Variants in GLT1D1 observed in about 807,000 individuals in gnomAD.
GLT1D1 encodes glycosyltransferase 1 domain-containing protein 1.
GLT1D1 carries 21 observed loss-of-function variants against 28.7 expected under a neutral mutation model. That is an observed-to-expected ratio of 0.73 (90% CI 0.52 to 1.05). The LOEUF (loss-of-function observed/expected upper bound fraction) is 1.05. GLT1D1 is among the 50% of genes least tolerant of loss of function. GLT1D1 has a pLI of 0.00. For synonymous variants in GLT1D1, 147 were observed against 124.8 expected, an observed-to-expected ratio of 1.18 and a Z score of -1.19; for missense variants, 343 against 330.6, an observed-to-expected ratio of 1.04 and a Z score of -0.29.
intron 4 of GLT1D1, among the ~76,000 whole-genome samples, chr12:128,942,777 G>A (rs867381753): frequency 2.2e-5 from 3 of 134,168 alleles, no homozygotes; most frequent in Non-Finnish European, 4.6e-5. Flanking sequence ...TTGAGACAGA[G>A]TCTCGCTCTG....
intron 4 of GLT1D1, among the ~76,000 whole-genome samples, chr12:128,936,230 C>G (rs1593157223): frequency 6.6e-6 from 1 of 150,908 alleles, no homozygotes; most frequent in East Asian, 1.9e-4. Flanking sequence ...TCTCGGCTCA[C>G]TGCAAGCTCC....
At chr12:128,918,574 A>AT (rs774997086) in intron 4 of GLT1D1, among the ~76,000 whole-genome samples, 6 of 152,198 alleles carry the variant, frequency 3.9e-5, no homozygotes, top group Non-Finnish European at 8.8e-5. Flanking sequence ...ATTTCCAAGC[A>AT]TTTTATCAGA....
At chr12:128,891,560 A>G (rs1275322183) in intron 3 of GLT1D1, among the ~76,000 whole-genome samples, 10 of 152,194 alleles carry the variant, frequency 6.6e-5, no homozygotes, top group African/African-American at 2.4e-4. Context: ...GGCTCACCTC[A>G]TGGCTGGGAA....
At chr12:128,921,833 T>A (rs1296307969) in intron 4 of GLT1D1, among the ~76,000 whole-genome samples, 1 of 152,114 alleles carries the variant, frequency 6.6e-6, no homozygotes, top group Non-Finnish European at 1.5e-5. Context: ...CTCTTCATCT[T>A]GACGTCACCT....
intron 1 of GLT1D1, among the ~76,000 whole-genome samples, chr12:128,869,431 A>G (rs1267004106): frequency 6.6e-6 from 1 of 152,042 alleles, no homozygotes; most frequent in African/African-American, 2.4e-5. Context: ...TGGCCTCCTA[A>G]AGTGCTGGGA....
At chr12:128,924,247 C>T (rs11060019) in intron 4 of GLT1D1, among the ~76,000 whole-genome samples, 1 of 151,706 alleles carries the variant, frequency 6.6e-6, no homozygotes, top group Non-Finnish European at 1.5e-5. Flanking sequence ...GCCAACATGG[C>T]GAAACCCCAT....
chr12:128,940,613 T>C (rs952536170), intron 4 of GLT1D1, among the ~76,000 whole-genome samples: 3 of 152,222 alleles, frequency 2.0e-5, no homozygotes, highest in African/African-American at 7.2e-5. Context: ...AGTTTGAACA[T>C]GTTGCTATTA....
At chr12:128,874,330 C>T (rs1362018002) in intron 1 of GLT1D1, among the ~76,000 whole-genome samples, 1 of 150,864 alleles carries the variant, frequency 6.6e-6, no homozygotes, top group Non-Finnish European at 1.5e-5. Context: ...TACAGGCATG[C>T]ACCACCACAC....
intron 4 of GLT1D1, among the ~76,000 whole-genome samples, chr12:128,909,146 A>C (rs1308056718): frequency 6.6e-6 from 1 of 152,052 alleles, no homozygotes. Flanking sequence ...TTTGTTGTTA[A>C]AATGTTGTGA....
At chr12:128,862,567 CA>C (rs1317969494) in intron 1 of GLT1D1, among the ~76,000 whole-genome samples, 1 of 152,126 alleles carries the variant, frequency 6.6e-6, no homozygotes, top group Non-Finnish European at 1.5e-5. Flanking sequence ...CACTTGAGCC[CA>C]GGGAAGTTGA....
intron 4 of GLT1D1, among the ~76,000 whole-genome samples, chr12:128,936,615 G>A (rs1023353220): frequency 4.6e-5 from 7 of 152,166 alleles, no homozygotes; most frequent in African/African-American, 1.2e-4. Flanking sequence ...GCTTGCAGGC[G>A]ATCATATGTG....
At chr12:128,943,515 A>T (rs1016367970) in intron 4 of GLT1D1, among the ~76,000 whole-genome samples, 9 of 152,198 alleles carry the variant, frequency 5.9e-5, no homozygotes, top group Admixed American at 2.6e-4. Flanking sequence ...TTTTGTTGAA[A>T]ATTCATTCAA....
At chr12:128,928,938 G>A (rs966844777) in intron 4 of GLT1D1, among the ~76,000 whole-genome samples, 10 of 152,090 alleles carry the variant, frequency 6.6e-5, no homozygotes, top group African/African-American at 2.4e-4. Context: ...TGGGGTTTTT[G>A]TTCCAGGGTT....
intron 4 of GLT1D1, among the ~76,000 whole-genome samples, chr12:128,941,254 T>G (rs1370378442): frequency 1.3e-5 from 2 of 152,252 alleles, no homozygotes; most frequent in Non-Finnish European, 2.9e-5. Flanking sequence ...CCTTTCAAAC[T>G]GTTTCTGCGA....
At chr12:128,864,932 A>G (rs1956478819) in intron 1 of GLT1D1, among the ~76,000 whole-genome samples, 1 of 152,190 alleles carries the variant, frequency 6.6e-6, no homozygotes, top group Admixed American at 6.5e-5. Flanking sequence ...AGGCAAGGCC[A>G]TGAGCTGCTG....
intron 1 of GLT1D1, among the ~76,000 whole-genome samples, chr12:128,865,575 C>A (rs948030606): frequency 2.0e-5 from 3 of 152,276 alleles, no homozygotes; most frequent in Admixed American, 1.3e-4. Flanking sequence ...GTAATCCCAG[C>A]ACTTTGGGAG....
At chr12:128,882,040 C>T (rs1397594914) in intron 2 of GLT1D1, among the ~76,000 whole-genome samples, 1 of 151,968 alleles carries the variant, frequency 6.6e-6, no homozygotes. Context: ...ATTTTTAAAG[C>T]TTTTCATACA....
intron 1 of GLT1D1, among the ~76,000 whole-genome samples, chr12:128,863,945 CAAAAAA>C (rs35052910): frequency 8.9e-5 from 5 of 56,164 alleles, no homozygotes; most frequent in African/African-American, 3.4e-4. Context: ...GACTCCATCT[CAAAAAA>C]AAAAAAAAAA....
intron 4 of GLT1D1, among the ~76,000 whole-genome samples, chr12:128,921,918 CTTTT>C (rs5801829): frequency 1.4e-5 from 2 of 143,858 alleles, no homozygotes; most frequent in Non-Finnish European, 3.0e-5. Context: ...TTGACATTTA[CTTTT>C]TTTTTTTTTT....
Sources: gnomAD v4.1 joint callset for allele counts (sites outside exome capture counted in the v4.1 genomes callset) on GRCh38, gnomAD v4.1.1 for gene constraint, MANE v1.5 for transcripts, NCBI Gene and HGNC (gene_info 2026-07-23, HGNC 2026-07-21) for gene names.